Variants in RNF213 observed in about 807,000 individuals in gnomAD.
RNF213 encodes the protein E3 ubiquitin-protein ligase RNF213.
A neutral mutation model predicts 514.4 loss-of-function variants in RNF213; 341 were observed. The observed-to-expected ratio is 0.66, with a 90% CI of 0.61 to 0.73. The LOEUF is 0.73. Among genes scored for constraint, RNF213 ranks in the 30% least tolerant of loss-of-function variants. The probability of loss-of-function intolerance (pLI) is 0.00; values close to 1 mark genes in which losing one functional copy is unlikely to be tolerated. For missense variants in RNF213, 5,767 were observed against 6,615.6 expected (o/e 0.87, Z 4.45); for synonymous variants, 2,655 against 2,658.2 (o/e 1.00, Z 0.04).
In RNF213 at chr17:80,327,784, C is replaced by A. The variant is rs916552094; in HGVS notation, c.3194-32C>A. On this transcript the variant is annotated intron_variant, in intron 18 of 67. Coordinates refer to ENST00000582970, the MANE Select transcript of RNF213 (RefSeq NM_001256071.3). ...GCAAAGAGGCAGGAGGTGGGGAGCC[C>A]ACTGTGTTAACTGTGTTCTTCATCT... is the stretch of plus-strand genomic sequence containing the variant. The A allele has an allele frequency of 4.5e-5, 67 of 1,504,212 alleles. 1 individual carries two copies. In the Middle Eastern group the frequency reaches 5.2e-4, roughly 12 times the overall value. 93.2% of individuals were successfully genotyped at this position (1,504,212 alleles called of 1,614,324 possible).
chr17:80,339,095 T>C (rs2144053754), intron 25 of RNF213, 106 bp from the exon 26 acceptor site: 2 of 909,924 alleles, frequency 2.2e-6, no homozygotes, highest in South Asian at 1.9e-5. Flanking sequence ...GCAGTGGGCC[T>C]GTGGACAGGG....
At chr17:80,319,875 T>G in intron 17 of RNF213, 1 of 1,144,078 alleles carries the variant, frequency 8.7e-7, no homozygotes, top group Non-Finnish European at 1.1e-6. Flanking sequence ...ATTGGACACT[T>G]AACCCCTGTA....
At chr17:80,337,451 C>T in intron 23 of RNF213, 135 bp from the exon 24 acceptor site, 1 of 1,204,946 alleles carries the variant, frequency 8.3e-7, no homozygotes. Flanking sequence ...GGGTGGGCGA[C>T]TGCGTCCTGA....
At chr17:80,295,431 C>G in intron 9 of RNF213, 126 bp from the exon 10 acceptor site, 1 of 1,216,880 alleles carries the variant, frequency 8.2e-7, no homozygotes. Flanking sequence ...TCCTGTGGCT[C>G]TCACAGGTGT....
chr17:80,310,656 G>T (rs1186547116), intron 14 of RNF213, among the ~76,000 whole-genome samples: 1 of 151,986 alleles, frequency 6.6e-6, no homozygotes, highest in Non-Finnish European at 1.5e-5. Flanking sequence ...GGGTTCAAGT[G>T]ATTCTCCTGC....
intron 2 of RNF213, among the ~76,000 whole-genome samples, chr17:80,269,723 TATCCCATCTTATCTATCC>T (rs569120620): frequency 2.6e-5 from 4 of 152,156 alleles, no homozygotes; most frequent in South Asian, 2.1e-4. Context: ...TCCATTCATC[TATCCCATCTTATCTATCC>T]ATCCCATCTT....
intron 38 of RNF213, chr17:80,360,446 T>C: frequency 1.9e-6 from 1 of 539,810 alleles, no homozygotes; most frequent in South Asian, 2.0e-5. Flanking sequence ...AGCAGGAGCC[T>C]GTGAGATGGT....
At chr17:80,330,681 A>G (rs925152703) in intron 20 of RNF213, among the ~76,000 whole-genome samples, 16 of 152,180 alleles carry the variant, frequency 1.1e-4, no homozygotes, top group Non-Finnish European at 2.1e-4. Flanking sequence ...TTGTTCTGCC[A>G]TGTATCTGTG....
rs1320407072 is a variant in RNF213 at position 80,372,991 on chromosome 17, G to A, written c.12768G>A (p.Lys4256=). The A allele has an allele frequency of 1.2e-6, 2 of 1,613,896 alleles. No homozygotes were observed. Among genetic ancestry groups the A allele is most frequent in the South Asian group, 1.1e-5 (1 of 91,056 alleles). Reference sequence around the variant, plus strand: ...GCCTCTCAGAGATGGCCAAGGAGAAGCAGTGCTACCTGCAGCAAGTCAAGC... The same window carrying A: ...GCCTCTCAGAGATGGCCAAGGAGAAACAGTGCTACCTGCAGCAAGTCAAGC... ...PEGGPEMAKE[K]QCYLQQVKQF... is the part of the protein sequence containing the mutation. Residue 4256 remains lysine (K), a synonymous_variant, in exon 49 of 68, where the codon AAG becomes AAA. Coordinates refer to ENST00000582970, the MANE Select transcript of RNF213 (RefSeq NM_001256071.3).
At chr17:80,304,611 G>C (rs566997669) in intron 11 of RNF213, among the ~76,000 whole-genome samples, 2 of 152,164 alleles carry the variant, frequency 1.3e-5, no homozygotes, top group African/African-American at 4.8e-5. Context: ...CTGCACTCCA[G>C]CCAAGGCAAC....
chr17:80,319,271 T>C lies in RNF213; in HGVS notation c.2983T>C (p.Phe995Leu), dbSNP rs755717469. The change falls in exon 17 of 68, where the codon TTC (phenylalanine) becomes CTC (leucine). Residue 995 changes from phenylalanine (F) to leucine (L), a missense_variant. Around this residue, in one of 13 missense-constraint regions of RNF213, gnomAD observed 516 missense variants for 566.5 expected, o/e 0.91. Transcript: ENST00000582970. ...KGLEDSVAKT[F>L]EKCIIEAVSS... ...CTTAGAGGACAGTGTGGCCAAGACCTTCGAGAAATGCATCATTGAAGCCGT... is the reference window on the plus strand; with the variant it reads ...CTTAGAGGACAGTGTGGCCAAGACCCTCGAGAAATGCATCATTGAAGCCGT... The C allele has an allele frequency of 6.2e-7, 1 of 1,614,160 alleles. No individual in the cohort carries two copies. Among genetic ancestry groups the C allele is most frequent in the South Asian group, 1.1e-5 (1 of 91,084 alleles).
Position 80,325,065 on chromosome 17 carries a change from T to A in RNF213, c.3060T>A (p.Ser1020=). 1 of 1,537,256 alleles carries A rather than the reference T, an allele frequency of 6.5e-7. No individual in the cohort carries two copies. The highest frequency in any genetic ancestry group is 8.7e-7 in the Non-Finnish European group (1 of 1,146,904). Residue 1020 remains serine (S), a synonymous_variant, in exon 18 of 68, where the codon TCT becomes TCA. Coordinates refer to ENST00000582970, the MANE Select transcript of RNF213 (RefSeq NM_001256071.3). ...QTSILQGFSY[S]DLRKFGIVLS... ...GTATCCTTCAGGGGTTCTCTTACTC[T>A]GATTTGCGGAAATTTGGCATCGTCT... is the stretch of plus-strand genomic sequence containing the variant.
At chr17:80,304,739 A>T (rs907503796) in intron 11 of RNF213, among the ~76,000 whole-genome samples, 1 of 152,164 alleles carries the variant, frequency 6.6e-6, no homozygotes, top group Non-Finnish European at 1.5e-5. Flanking sequence ...CCAGTTTACC[A>T]TGTTAACTCC....
At chr17:80,356,708 C>T (rs574604785) in intron 36 of RNF213, among the ~76,000 whole-genome samples, 2 of 152,358 alleles carry the variant, frequency 1.3e-5, no homozygotes, top group Admixed American at 1.3e-4. Flanking sequence ...CTTGTCCCAG[C>T]GCCTGGGTTT....
intron 20 of RNF213, among the ~76,000 whole-genome samples, chr17:80,329,033 A>G (rs2046347506): frequency 6.6e-6 from 1 of 152,228 alleles, no homozygotes; most frequent in Non-Finnish European, 1.5e-5. Flanking sequence ...ATCTCTGCCG[A>G]GTGTCTGAAT....
intron 55 of RNF213, among the ~76,000 whole-genome samples, chr17:80,380,479 G>A (rs569386102): frequency 6.6e-6 from 1 of 152,216 alleles, no homozygotes; most frequent in African/African-American, 2.4e-5. Flanking sequence ...ATGGGATGCC[G>A]ACTGTCCTCC....
At chr17:80,275,430 C>T (rs1025362682) in intron 3 of RNF213, among the ~76,000 whole-genome samples, 1 of 151,876 alleles carries the variant, frequency 6.6e-6, no homozygotes, top group Non-Finnish European at 1.5e-5. Context: ...ACAATAAACC[C>T]GCCCAAAGAC....
At chr17:80,273,142 G>C (rs2043882705) in intron 2 of RNF213, 99 bp from the exon 3 acceptor site, 2 of 1,491,874 alleles carry the variant, frequency 1.3e-6, no homozygotes, top group South Asian at 2.3e-5. Flanking sequence ...GGGAGAACAG[G>C]GTGAATCTCT....
intron 15 of RNF213, among the ~76,000 whole-genome samples, chr17:80,313,836 A>G (rs111171108): frequency 3.9e-4 from 15 of 38,822 alleles, no homozygotes; most frequent in African/African-American, 1.5e-3. Context: ...GGTGGAGGTG[A>G]TGGTGGAGGT....
Sources: allele counts gnomAD v4.1 joint callset (sites outside exome capture counted in the v4.1 genomes callset), GRCh38; gene constraint gnomAD v4.1.1; regional missense constraint gnomAD v4.1.1; transcripts MANE v1.5; gene names NCBI Gene and HGNC (gene_info 2026-07-23, HGNC 2026-07-21).